HHIPL1: variants seen among roughly 807,000 people sequenced by gnomAD.
The protein encoded by HHIPL1 is HHIP-like protein 1.
A neutral mutation model predicts 61.8 loss-of-function variants in HHIPL1; 43 were observed. The observed-to-expected ratio is 0.70, with a 90% CI of 0.55 to 0.90. HHIPL1 has a LOEUF of 0.90. HHIPL1 is among the 40% of genes least tolerant of loss of function. The pLI, the probability that HHIPL1 is intolerant of heterozygous loss-of-function variation, is 0.00. For missense variants in HHIPL1, 1,056 were observed against 1,157.7 expected, an observed-to-expected ratio of 0.91 and a Z score of 1.28; for synonymous variants, 482 against 515.8, an observed-to-expected ratio of 0.93 and a Z score of 0.89.
chr14:99,608,745 A>G, the HHIPL1 span, among the ~76,000 whole-genome samples: 1 of 152,224 alleles, frequency 6.6e-6, no homozygotes, highest in Non-Finnish European at 1.5e-5. Context: ...CTAGAGTTCC[A>G]CATAGATTGT....
intron 1 of HHIPL1, among the ~76,000 whole-genome samples, chr14:99,645,679 G>A (rs955869045): frequency 6.6e-6 from 1 of 152,200 alleles, no homozygotes; most frequent in Non-Finnish European, 1.5e-5. Flanking sequence ...GGGCCTTCTC[G>A]GGGCCTCAGT....
chr14:99,655,960 GA>G (rs2056020919), intron 2 of HHIPL1, among the ~76,000 whole-genome samples: 1 of 152,224 alleles, frequency 6.6e-6, no homozygotes, highest in African/African-American at 2.4e-5. Context: ...GGCAGGGCTA[GA>G]AGCCAAAGAA....
At position 99,660,357 on chromosome 14, in the gene HHIPL1, G is replaced by A. The variant is rs1173601396; in HGVS notation, c.1453G>A (p.Glu485Lys). ...AGGGGGCTACGTGTACCGGGGCTGCGAGTACCCCAACCTGAACGGCCTCTA... is the reference window on the plus strand; with the variant it reads ...AGGGGGCTACGTGTACCGGGGCTGCAAGTACCCCAACCTGAACGGCCTCTA... Reference protein sequence around the residue: ...VTGGYVYRGCEYPNLNGLYIF... With the variant: ...VTGGYVYRGCKYPNLNGLYIF... The change falls in exon 5 of 9, where the codon GAG (glutamate) becomes AAG (lysine). Residue 485 changes from glutamate to lysine, a missense_variant. Glu to Lys is a moderately conservative substitution (Grantham distance 56). Coordinates refer to ENST00000330710, the MANE Select transcript of HHIPL1 (RefSeq NM_001127258.3). The surrounding 1 kb of genome is among the most constrained non-coding windows in gnomAD (Gnocchi z 4.9). 6.2e-7 allele frequency: 1 copy of A among 1,614,132 alleles called. No homozygotes were observed. Among genetic ancestry groups the A allele is most frequent in the Admixed American group, 1.7e-5 (1 of 60,016 alleles).
chr14:99,656,972 A>C, intron 2 of HHIPL1, 28 bp from the exon 3 acceptor site: 1 of 1,559,584 alleles, frequency 6.4e-7, no homozygotes, highest in Non-Finnish European at 8.7e-7. Flanking sequence ...TGGAAGGCTG[A>C]GTTTTAGGGG....
chr14:99,658,046 A>G (rs1031225265), intron 3 of HHIPL1, among the ~76,000 whole-genome samples: 17 of 152,150 alleles, frequency 1.1e-4, no homozygotes, highest in African/African-American at 3.9e-4. Context: ...TCCCTTAGCC[A>G]AAATGGTAAA....
the HHIPL1 span, among the ~76,000 whole-genome samples, chr14:99,637,126 AAGAGAGAG>A: frequency 4.7e-5 from 6 of 126,378 alleles, no homozygotes; most frequent in East Asian, 7.1e-4. Flanking sequence ...AAAGAAAAGA[AAGAGAGAG>A]AGAGAAAGGG....
the HHIPL1 span, among the ~76,000 whole-genome samples, chr14:99,612,076 A>T: frequency 1.3e-5 from 2 of 152,178 alleles, no homozygotes; most frequent in Non-Finnish European, 2.9e-5. Flanking sequence ...AGAAATACCC[A>T]ACACTGGGTA....
chr14:99,653,020 A>T, intron 2 of HHIPL1, 150 bp downstream of exon 2: 1 of 797,830 alleles, frequency 1.3e-6, no homozygotes, highest in Non-Finnish European at 1.9e-6. Context: ...GGCCTGGAGA[A>T]GGACAGTTTT....
At chr14:99,627,538 G>A in the HHIPL1 span, among the ~76,000 whole-genome samples, 2 of 152,244 alleles carry the variant, frequency 1.3e-5, no homozygotes, top group Non-Finnish European at 2.9e-5. This position sits in a 1 kb window ranked among gnomAD's most constrained non-coding sequence, Gnocchi z 4.4. Flanking sequence ...AGGGATGAAT[G>A]AGGAGAGGTC....
chr14:99,651,913 A>G (rs2055936986), intron 1 of HHIPL1, among the ~76,000 whole-genome samples: 1 of 152,164 alleles, frequency 6.6e-6, no homozygotes, highest in Admixed American at 6.5e-5. Context: ...GCGGAGGCGC[A>G]CTGTTAACAC....
At chr14:99,648,227 C>T (rs1015652893) in intron 1 of HHIPL1, among the ~76,000 whole-genome samples, 11 of 152,164 alleles carry the variant, frequency 7.2e-5, no homozygotes, top group Non-Finnish European at 1.5e-4. Flanking sequence ...TCAGGGAAGG[C>T]TTCCTGAATG....
In HHIPL1 at chr14:99,652,756, ACCGCAGGCTCTACGT is replaced by A. The variant is rs1362709881; in HGVS notation, c.790_804del (p.Arg264_Val268del). ...GCCTTCCACCCCAGCTTCCAGCACA[ACCGCAGGCTCTACGT>A]CTACTACTCAGTGGGTATCCGCAGC... On this transcript the variant is annotated inframe_deletion, in exon 2 of 9. Coordinates refer to ENST00000330710, the MANE Select transcript of HHIPL1 (RefSeq NM_001127258.3). The A allele has an allele frequency of 3.1e-6, 5 of 1,613,860 alleles. No individual in the cohort carries two copies. Among genetic ancestry groups the A allele is most frequent in the Non-Finnish European group, 4.2e-6 (5 of 1,180,030 alleles).
At chr14:99,637,403 AC>A in the HHIPL1 span, among the ~76,000 whole-genome samples, 1 of 151,734 alleles carries the variant, frequency 6.6e-6, no homozygotes, top group African/African-American at 2.4e-5. Flanking sequence ...CTCTACTAAA[AC>A]AAAAAACAAA....
At chr14:99,665,637 G>C (rs1260650717) in intron 6 of HHIPL1, among the ~76,000 whole-genome samples, 2 of 152,188 alleles carry the variant, frequency 1.3e-5, no homozygotes, top group Admixed American at 6.5e-5. Context: ...GTCTTACTGT[G>C]TTGCCTAGGC....
At chr14:99,661,723 C>G (rs1442071374) in intron 5 of HHIPL1, among the ~76,000 whole-genome samples, 2 of 152,174 alleles carry the variant, frequency 1.3e-5, no homozygotes, top group Non-Finnish European at 2.9e-5. Flanking sequence ...CTTTGGCCTC[C>G]CAAAGTGCTG....
chr14:99,634,679 C>T, the HHIPL1 span, among the ~76,000 whole-genome samples: 1 of 152,156 alleles, frequency 6.6e-6, no homozygotes, highest in Non-Finnish European at 1.5e-5. Context: ...AGGAAACGGG[C>T]TCAGCCAGGG....
At chr14:99,646,573 G>A (rs912865782) in intron 1 of HHIPL1, among the ~76,000 whole-genome samples, 4 of 152,114 alleles carry the variant, frequency 2.6e-5, no homozygotes, top group African/African-American at 9.7e-5. Flanking sequence ...TCAGGAGTTC[G>A]AGACCAGCCT....
At position 99,660,678 on chromosome 14, in the gene HHIPL1, G is replaced by A. The variant is rs375596392; in HGVS notation, c.1502+272G>A. ...AGGCTTGCTTAAGTGCGGGTCCCGT[G>A]GTCTTCCTCTCCCTCCTGAGAACCA... On this transcript the variant is annotated intron_variant, in intron 5 of 8. Transcript: ENST00000330710. This position sits in a 1 kb window ranked among gnomAD's most constrained non-coding sequence, Gnocchi z 4.9. 5.5e-4 allele frequency among the ~76,000 whole-genome samples: 84 copies of A among 152,268 alleles called. 2 individuals carry two copies. The South Asian group carries it at 0.015, about 27-fold the overall frequency.
intron 1 of HHIPL1, among the ~76,000 whole-genome samples, chr14:99,647,972 C>A (rs752683062): frequency 1.3e-5 from 2 of 152,112 alleles, no homozygotes; most frequent in African/African-American, 2.4e-5. Flanking sequence ...CCTCTCTAAG[C>A]CACTAAAATC....
Sources: allele counts gnomAD v4.1 joint callset (sites outside exome capture counted in the v4.1 genomes callset), GRCh38; gene constraint gnomAD v4.1.1; non-coding constraint Gnocchi (gnomAD v3.1); transcripts MANE v1.5; gene names NCBI Gene and HGNC (gene_info 2026-07-23, HGNC 2026-07-21).